NRXN3: variants seen among roughly 807,000 people sequenced by gnomAD.
The protein encoded by NRXN3 is neurexin 3, also known as neurexin III.
Under a neutral mutation model 137.6 loss-of-function variants are expected in NRXN3, and 32 were observed. The ratio of observed to expected loss-of-function variants is 0.23; its 90% CI spans 0.18 to 0.31. NRXN3 has a LOEUF of 0.31. Among genes scored for constraint, NRXN3 ranks in the 10% least tolerant of loss-of-function variants. The pLI is 1.00. For synonymous variants in NRXN3, 798 were observed against 784.5 expected, an observed-to-expected ratio of 1.02 and a Z score of -0.29; for missense variants, 1,574 against 2,062.5, an observed-to-expected ratio of 0.76 and a Z score of 4.59.
chr14:79,078,634 CTGAT>C (rs1167384536), intron 15 of NRXN3, among the ~76,000 whole-genome samples: 1 of 152,118 alleles, frequency 6.6e-6, no homozygotes, highest in Non-Finnish European at 1.5e-5. Flanking sequence ...CAACTTGGCT[CTGAT>C]TGTTAATGTT....
At chr14:79,719,725 T>A (rs2098837605) in intron 19 of NRXN3, among the ~76,000 whole-genome samples, 1 of 152,130 alleles carries the variant, frequency 6.6e-6, no homozygotes, top group Non-Finnish European at 1.5e-5. Context: ...TCTACCAATA[T>A]TTTTTCACAT....
At chr14:78,371,659 C>G (rs756620895) in intron 4 of NRXN3, among the ~76,000 whole-genome samples, 1 of 152,152 alleles carries the variant, frequency 6.6e-6, no homozygotes, top group African/African-American at 2.4e-5. Context: ...ACCCTGGCCC[C>G]GACACCCACT....
intron 4 of NRXN3, among the ~76,000 whole-genome samples, chr14:78,365,822 G>A (rs1238439990): frequency 2.0e-5 from 3 of 152,238 alleles, no homozygotes; most frequent in Non-Finnish European, 4.4e-5. Context: ...CTCTGGAGAT[G>A]TAGCAGTGAA....
chr14:78,255,270 C>T (rs925383565), intron 2 of NRXN3, among the ~76,000 whole-genome samples: 6 of 151,934 alleles, frequency 3.9e-5, no homozygotes, highest in Non-Finnish European at 7.4e-5. Flanking sequence ...AGTCCAAGCA[C>T]TGAAATGGAA....
At chr14:79,731,852 CT>C (rs2098924785) in intron 19 of NRXN3, among the ~76,000 whole-genome samples, 1 of 146,880 alleles carries the variant, frequency 6.8e-6, no homozygotes, top group Non-Finnish European at 1.5e-5. Flanking sequence ...TTTTTGGTTG[CT>C]TTTAGCCACC....
At chr14:79,288,000 C>G (rs1388861771) in intron 15 of NRXN3, among the ~76,000 whole-genome samples, 1 of 152,164 alleles carries the variant, frequency 6.6e-6, no homozygotes, top group Non-Finnish European at 1.5e-5. Context: ...AGCACTGGAA[C>G]TGCATGAGTC....
At chr14:78,477,995 G>A (rs569991420) in intron 4 of NRXN3, among the ~76,000 whole-genome samples, 51 of 152,224 alleles carry the variant, frequency 3.4e-4, no homozygotes, top group African/African-American at 1.2e-3. Context: ...TATGCTTTAT[G>A]ATCTGTGAAA....
chr14:79,658,637 G>A lies in NRXN3; in HGVS notation c.3445-5141G>A, dbSNP rs1205981702. ...CCTATAATGGAGGAGAACTAGGAAA[G>A]TGTGGTAAACAGTGCCGCTCATTAT... On this transcript the variant is annotated intron_variant, in intron 16 of 20. Transcript: ENST00000335750. 2.0e-5 allele frequency among the ~76,000 whole-genome samples: 3 copies of A among 152,306 alleles called. No individual in the cohort carries two copies. In the East Asian group the frequency reaches 5.8e-4, roughly 29 times the overall value.
chr14:79,653,000 A>G (rs1023079503), intron 16 of NRXN3, among the ~76,000 whole-genome samples: 3 of 152,002 alleles, frequency 2.0e-5, no homozygotes, highest in Non-Finnish European at 4.4e-5. Flanking sequence ...AGAACCATAA[A>G]ATATCACCTG....
chr14:78,316,940 T>G (rs995785649), intron 4 of NRXN3, among the ~76,000 whole-genome samples: 4 of 152,288 alleles, frequency 2.6e-5, no homozygotes, highest in Non-Finnish European at 5.9e-5. Flanking sequence ...TCCTTGACTG[T>G]ATTAGTCAGG....
chr14:79,039,762 C>T (rs1235343740), intron 15 of NRXN3, among the ~76,000 whole-genome samples: 1 of 152,092 alleles, frequency 6.6e-6, no homozygotes, highest in Admixed American at 6.6e-5. Flanking sequence ...TCATACTTCA[C>T]TTTAATCTCA....
intron 10 of NRXN3, among the ~76,000 whole-genome samples, chr14:78,852,965 C>G (rs1298279080): frequency 6.6e-6 from 1 of 151,154 alleles, no homozygotes; most frequent in East Asian, 1.9e-4. Context: ...TGGCTTATTT[C>G]ACTTAACATA....
intron 20 of NRXN3, among the ~76,000 whole-genome samples, chr14:79,837,879 C>T (rs777076677): frequency 7.9e-5 from 12 of 152,064 alleles, no homozygotes; most frequent in Non-Finnish European, 1.6e-4. Context: ...CAATTTGTAC[C>T]CGTTAGCCAG....
At chr14:78,603,525 C>T (rs970550636) in intron 4 of NRXN3, among the ~76,000 whole-genome samples, 2 of 152,136 alleles carry the variant, frequency 1.3e-5, no homozygotes, top group Admixed American at 6.5e-5. Context: ...TAGGAAAGGA[C>T]AGAAGATGGA....
chr14:78,201,087 A>T (rs2061634316), intron 1 of NRXN3, among the ~76,000 whole-genome samples: 1 of 152,200 alleles, frequency 6.6e-6, no homozygotes, highest in African/African-American at 2.4e-5. Flanking sequence ...TCATGCTGGA[A>T]GCAGAAGTGT....
intron 15 of NRXN3, among the ~76,000 whole-genome samples, chr14:79,136,714 G>T (rs2653550): frequency 0.018 from 2,683 of 152,224 alleles, 76 homozygotes; most frequent in African/African-American, 0.062. Flanking sequence ...AAATACAAAC[G>T]TTAGAGTCAA....
intron 17 of NRXN3, among the ~76,000 whole-genome samples, chr14:79,687,744 C>T (rs952245601): frequency 1.3e-5 from 2 of 152,142 alleles, no homozygotes; most frequent in African/African-American, 4.8e-5. Context: ...TTTCTGCCAG[C>T]CTGGTGCAAA....
intron 2 of NRXN3, among the ~76,000 whole-genome samples, chr14:78,267,099 T>C (rs2071884341): frequency 6.6e-6 from 1 of 152,218 alleles, no homozygotes; most frequent in Non-Finnish European, 1.5e-5. Flanking sequence ...AAACTCTTTC[T>C]TAACACAGTA....
At chr14:78,567,345 T>A (rs904896831) in intron 4 of NRXN3, among the ~76,000 whole-genome samples, 1 of 152,236 alleles carries the variant, frequency 6.6e-6, no homozygotes, top group African/African-American at 2.4e-5. Flanking sequence ...CAGAGCTGGC[T>A]GTGCCAGTAA....
Sources: gnomAD v4.1 joint callset for allele counts (sites outside exome capture counted in the v4.1 genomes callset) on GRCh38, gnomAD v4.1.1 for gene constraint, MANE v1.5 for transcripts, NCBI Gene and HGNC (gene_info 2026-07-23, HGNC 2026-07-21) for gene names.